Variants in STAR observed in about 807,000 individuals in gnomAD.
STAR encodes the protein steroidogenic acute regulatory protein.
In STAR, 32 loss-of-function variants were observed where a neutral mutation model predicts 32.3. The observed-to-expected ratio is 0.99, with a 90% confidence interval of 0.75 to 1.33. The LOEUF is 1.33. Among genes scored for constraint, STAR ranks in the 40% most tolerant of loss-of-function variants. The pLI, the probability that STAR is intolerant of heterozygous loss-of-function variation, is 0.00. For synonymous variants in STAR, 134 were observed against 140.5 expected (o/e 0.95, Z 0.33); for missense variants, 375 against 379.0 (o/e 0.99, Z 0.09).
intron 1 of STAR, chr8:38,149,011 G>A: frequency 2.0e-6 from 1 of 507,632 alleles, no homozygotes; most frequent in Non-Finnish European, 3.6e-6. Flanking sequence ...CTATACCAGA[G>A]CCTGCTGGAG....
In STAR at chr8:38,145,353, G is replaced by A. The variant is rs772248901; in HGVS notation, c.651-38C>T. The A allele has an allele frequency of 5.4e-5, 87 of 1,613,410 alleles. 1 individual carries two copies. In the South Asian group the frequency reaches 8.6e-4, roughly 16 times the overall value. ...GAAGTCAAGTCAGGAGGACAGTTGCGAGTTCTCTCTTGCACTGGCTGCTTA... is the reference window on the plus strand; with the variant it reads ...GAAGTCAAGTCAGGAGGACAGTTGCAAGTTCTCTCTTGCACTGGCTGCTTA... On this transcript the variant is annotated intron_variant, in intron 5 of 6. Transcript: ENST00000276449.
Position 38,144,218 on chromosome 8 carries a change from T to A in STAR, c.*55A>T. 6.5e-7 allele frequency: 1 copy of A among 1,528,764 alleles called. No individual in the cohort carries two copies. The highest frequency in any genetic ancestry group is 8.9e-7 in the Non-Finnish European group (1 of 1,124,690). 94.7% of individuals were successfully genotyped at this position (1,528,764 alleles called of 1,614,324 possible). ...TGCAGGCTTCCAGTAGGGATTCTCC[T>A]GATGAGCGTGTGTACCAGTGCAGCT... On this transcript the variant is annotated 3_prime_UTR_variant, in exon 7 of 7. Coordinates refer to ENST00000276449, the MANE Select transcript of STAR (RefSeq NM_000349.3).
rs200711979 is a variant in STAR at position 38,148,322 on chromosome 8, G to C, written c.184C>G (p.Arg62Gly). The change falls in exon 3 of 7, where the codon CGG becomes GGG. Residue 62 changes from arginine (R) to glycine (G), a missense_variant. Arg to Gly is a moderately radical substitution (Grantham distance 125, BLOSUM62 -2). Coordinates refer to ENST00000276449, the MANE Select transcript of STAR (RefSeq NM_000349.3). The part of the protein sequence containing the change: ...VRRRSSLLGS[R>G]LEETLYSDQE... ...TCACTGTAGAGAGTCTCTTCCAGCC[G>C]AGAACCTGGATACACAGCCGAGGAG... is the stretch of plus-strand genomic sequence containing the variant. 2 of 1,613,868 alleles carry C rather than the reference G, an allele frequency of 1.2e-6. No homozygotes were observed. Among genetic ancestry groups the C allele is most frequent in the African/African-American group, 2.7e-5 (2 of 74,908 alleles).
In STAR at chr8:38,144,341, G is replaced by C; in HGVS notation, c.790C>G (p.Gln264Glu). The change falls in exon 7 of 7, where the codon CAG (glutamine) becomes GAG (glutamate). Residue 264 changes from glutamine to glutamate, a missense_variant. Transcript: ENST00000276449. ...CGCAGGTGGTTGGCAAAATCCACCTGGGTCTGGGACAGGACCTGGTTGATG... is the reference window on the plus strand; with the variant it reads ...CGCAGGTGGTTGGCAAAATCCACCTCGGTCTGGGACAGGACCTGGTTGATG... ...SIINQVLSQT[Q>E]VDFANHLRKR... 1.2e-6 allele frequency: 2 copies of C among 1,609,308 alleles called. No individual in the cohort carries two copies. The highest frequency in any genetic ancestry group is 1.7e-6 in the Non-Finnish European group (2 of 1,177,988).
intron 3 of STAR, among the ~76,000 whole-genome samples, chr8:38,147,778 C>CT (rs1234944804): frequency 6.6e-6 from 1 of 152,250 alleles, no homozygotes; most frequent in Non-Finnish European, 1.5e-5. Context: ...ATGGACCACT[C>CT]TGTGTTCTAG....
At chr8:38,145,497 A>G (rs747344291) in intron 5 of STAR, 182 bp from the exon 6 acceptor site, 38 of 793,148 alleles carry the variant, frequency 4.8e-5, no homozygotes, top group Non-Finnish European at 7.4e-5. Flanking sequence ...GCTCATCAGA[A>G]TAAAGGCTGC....
chr8:38,146,039 G>A lies in STAR; in HGVS notation c.574C>T (p.Arg192Cys), dbSNP rs752311616. The change falls in exon 5 of 7, where the codon CGC becomes TGC. Residue 192 changes from arginine (R) to cysteine (C), a missense_variant. Coordinates refer to ENST00000276449, the MANE Select transcript of STAR (RefSeq NM_000349.3). ...GCCAGCACACAGGTGGAGCCTCGGC[G>A]CTTGGCACAGCGCACGCTCACAAAG... The part of the protein sequence containing the change: ...RDFVSVRCAK[R>C]RGSTCVLAGM... The A allele has an allele frequency of 3.7e-6, 6 of 1,614,234 alleles. No individual in the cohort carries two copies. Among genetic ancestry groups the A allele is most frequent in the South Asian group, 2.2e-5 (2 of 91,086 alleles).
At chr8:38,145,009 G>GAAAAAA in intron 6 of STAR, 1 of 1,151,656 alleles carries the variant, frequency 8.7e-7, no homozygotes, top group South Asian at 1.7e-5. Flanking sequence ...ACTGAGTCTC[G>GAAAAAA]AAAAAAAAAA....
intron 2 of STAR, 83 bp downstream of exon 2, chr8:38,148,558 G>A (rs1181986685): frequency 2.1e-6 from 3 of 1,424,104 alleles, no homozygotes; most frequent in Admixed American, 1.7e-5. Context: ...TGGCAGGAGG[G>A]GAGCCAAAGC....
chr8:38,149,549 G>C (rs2843734), intron 1 of STAR, among the ~76,000 whole-genome samples: 151,660 of 152,322 alleles, frequency 1, 75,507 homozygotes, highest in East Asian at 1. Flanking sequence ...ACTCCCCTAT[G>C]TCTCTTCTCC....
intron 1 of STAR, among the ~76,000 whole-genome samples, chr8:38,149,280 G>T (rs1285183090): frequency 6.6e-6 from 1 of 152,176 alleles, no homozygotes; most frequent in Non-Finnish European, 1.5e-5. Flanking sequence ...ATCTAGTGAG[G>T]ACGACAACAC....
intron 1 of STAR, among the ~76,000 whole-genome samples, chr8:38,149,389 C>A (rs1201719045): frequency 6.6e-6 from 1 of 152,166 alleles, no homozygotes; most frequent in East Asian, 1.9e-4. Context: ...ACTTGTGTAC[C>A]CTTCAGTGGC....
At chr8:38,145,145 G>C in intron 6 of STAR, 77 bp downstream of exon 6, 1 of 1,604,920 alleles carries the variant, frequency 6.2e-7, no homozygotes, top group Non-Finnish European at 8.5e-7. Flanking sequence ...GATTCTTTCT[G>C]CAGCATGGGG....
At chr8:38,144,466 T>C (rs1802527418) in intron 6 of STAR, 80 bp from the exon 7 acceptor site, 1 of 1,541,504 alleles carries the variant, frequency 6.5e-7, no homozygotes, top group Non-Finnish European at 8.8e-7. Flanking sequence ...ACAAACAGGC[T>C]GCCAGGGGCT....
Position 38,144,216 on chromosome 8 carries a change from C to T in STAR, c.*57G>A. ...CTTGCAGGCTTCCAGTAGGGATTCT[C>T]CTGATGAGCGTGTGTACCAGTGCAG... is the stretch of plus-strand genomic sequence containing the variant. On this transcript the variant is annotated 3_prime_UTR_variant, in exon 7 of 7. Coordinates refer to ENST00000276449, the MANE Select transcript of STAR (RefSeq NM_000349.3). 2.0e-6 allele frequency: 3 copies of T among 1,522,920 alleles called. No individual in the cohort carries two copies. The highest frequency in any genetic ancestry group is 1.2e-5 in the South Asian group (1 of 83,820). 94.3% of individuals were successfully genotyped at this position (1,522,920 alleles called of 1,614,324 possible).
In STAR at chr8:38,145,287, G is replaced by C. The variant is rs755614163; in HGVS notation, c.679C>G (p.Leu227Val). 13 of 1,614,202 alleles carry C rather than the reference G, an allele frequency of 8.1e-6. No homozygotes were observed. Among genetic ancestry groups the C allele is most frequent in the Non-Finnish European group, 1.0e-5 (12 of 1,180,040 alleles). Residue 227 changes from leucine (L) to valine (V), a missense_variant, in exon 6 of 7, where the codon CTT becomes GTT. Leu to Val is a conservative substitution (Grantham distance 32). Coordinates refer to ENST00000276449, the MANE Select transcript of STAR (RefSeq NM_000349.3). ...GAGGGACTTCCAGCCAACGGGTGAA[G>C]CACCATGCAAGTGGGACCGTGCTCC... ...RAEHGPTCMV[L>V]HPLAGSPSKT... is the part of the protein sequence containing the mutation.
At chr8:38,145,416 G>T in intron 5 of STAR, 101 bp from the exon 6 acceptor site, 2 of 1,519,720 alleles carry the variant, frequency 1.3e-6, no homozygotes, top group Non-Finnish European at 1.8e-6. Flanking sequence ...ACGGTACCTT[G>T]TCTTTTCTGA....
chr8:38,143,457 C>T lies in STAR; in HGVS notation c.*816G>A, dbSNP rs906211970. On this transcript the variant is annotated 3_prime_UTR_variant, in exon 7 of 7. Transcript: ENST00000276449. ...AAGTAGCTACGACTACAGGTTTGCG[C>T]CACCACACCCAGCTAATTTTTTGTA... Among the ~76,000 whole-genome samples, 2 of 152,134 alleles carry T rather than the reference C, an allele frequency of 1.3e-5. No homozygotes were observed. The highest frequency in any genetic ancestry group is 2.9e-5 in the Non-Finnish European group (2 of 68,034).
chr8:38,148,581 A>C, intron 2 of STAR, 60 bp downstream of exon 2: 1 of 1,522,344 alleles, frequency 6.6e-7, no homozygotes, highest in Non-Finnish European at 9.1e-7. Context: ...CATGCACCAC[A>C]TCACCCTCCA....
Sources: gnomAD v4.1 joint callset for allele counts (sites outside exome capture counted in the v4.1 genomes callset) on GRCh38, gnomAD v4.1.1 for gene constraint, MANE v1.5 for transcripts, NCBI Gene and HGNC (gene_info 2026-07-23, HGNC 2026-07-21) for gene names.